The following TGFA variants were observed in gnomAD, a reference collection of about 807,000 sequenced individuals.
The protein encoded by TGFA is protransforming growth factor alpha.
A neutral mutation model predicts 21.7 loss-of-function variants in TGFA; 12 were observed. That is an observed-to-expected ratio of 0.55 (90% CI 0.35 to 0.90). The LOEUF (loss-of-function observed/expected upper bound fraction) is 0.90. Among genes scored for constraint, TGFA ranks in the 40% least tolerant of loss-of-function variants. The pLI is 0.01. For missense variants in TGFA, 178 were observed against 210.8 expected (o/e 0.84, Z 0.96); for synonymous variants, 79 against 88.1 (o/e 0.90, Z 0.58).
intron 1 of TGFA, among the ~76,000 whole-genome samples, chr2:70,543,060 G>A (rs922165607): frequency 9.2e-5 from 14 of 151,860 alleles, no homozygotes; most frequent in East Asian, 1.9e-4. Context: ...CCAAGATTGC[G>A]CCATTGCACT....
At chr2:70,549,166 G>T (rs1185832823) in intron 1 of TGFA, among the ~76,000 whole-genome samples, 1 of 152,172 alleles carries the variant, frequency 6.6e-6, no homozygotes, top group African/African-American at 2.4e-5. Context: ...AATAACATGG[G>T]ATCGTTACAT....
In TGFA at chr2:70,470,890, A is replaced by G. The variant is rs893232707; in HGVS notation, c.95-5154T>C. 6.6e-5 allele frequency among the ~76,000 whole-genome samples: 10 copies of G among 152,064 alleles called. No homozygotes were observed. In the East Asian group the frequency reaches 1.9e-3, roughly 29 times the overall value. On this transcript the variant is annotated intron_variant, in intron 2 of 5. Transcript: ENST00000295400. Reference sequence around the variant, plus strand: ...TCCTGACTACAACCATGATACATTCACTCTTGAAACTTTTTCAAAAGTTTC... The same window carrying G: ...TCCTGACTACAACCATGATACATTCGCTCTTGAAACTTTTTCAAAAGTTTC...
chr2:70,539,647 G>A (rs1368834516), intron 1 of TGFA, among the ~76,000 whole-genome samples: 2 of 152,064 alleles, frequency 1.3e-5, no homozygotes, highest in Non-Finnish European at 2.9e-5. Flanking sequence ...TAGAGTTGGG[G>A]TTTCAACATG....
At chr2:70,511,985 G>A (rs1672116696) in intron 2 of TGFA, among the ~76,000 whole-genome samples, 1 of 151,744 alleles carries the variant, frequency 6.6e-6, no homozygotes, top group African/African-American at 2.4e-5. Context: ...CCCAGTTTGA[G>A]CTGCGCCCAC....
chr2:70,481,162 A>C (rs1178269592), intron 2 of TGFA, among the ~76,000 whole-genome samples: 1 of 152,198 alleles, frequency 6.6e-6, no homozygotes, highest in African/African-American at 2.4e-5. Context: ...CCTAGTCCAG[A>C]AGTGAAATAT....
At chr2:70,525,949 C>T (rs1176524595) in intron 1 of TGFA, among the ~76,000 whole-genome samples, 1 of 152,192 alleles carries the variant, frequency 6.6e-6, no homozygotes, top group Admixed American at 6.5e-5. Context: ...TGACAGTGCA[C>T]TCTGTTGAGA....
At chr2:70,461,645 A>C (rs904997649) in intron 3 of TGFA, 3 of 152,202 alleles carry the variant, frequency 2.0e-5, no homozygotes, top group Non-Finnish European at 4.4e-5. Flanking sequence ...GTCTTCCTTC[A>C]ACGGTTTTCC....
intron 1 of TGFA, among the ~76,000 whole-genome samples, chr2:70,552,698 G>T (rs1673549243): frequency 6.6e-6 from 1 of 152,220 alleles, no homozygotes; most frequent in Non-Finnish European, 1.5e-5. Flanking sequence ...GCTGGGTGAG[G>T]CTGCGGCTCT....
chr2:70,504,451 TATATATATATATACACAC>T (rs1359645539), intron 2 of TGFA, among the ~76,000 whole-genome samples: 4 of 71,322 alleles, frequency 5.6e-5, no homozygotes, highest in African/African-American at 4.0e-4. Context: ...TATATATATA[TATATATATATATACACAC>T]ATACATACAT....
chr2:70,472,737 C>T (rs1670795566), intron 2 of TGFA, among the ~76,000 whole-genome samples: 1 of 152,228 alleles, frequency 6.6e-6, no homozygotes, highest in Admixed American at 6.5e-5. Context: ...TCAGCGGGAG[C>T]CGGCTGAGCC....
intron 2 of TGFA, among the ~76,000 whole-genome samples, chr2:70,479,050 A>G (rs1553494964): frequency 2.6e-5 from 4 of 152,104 alleles, no homozygotes; most frequent in Non-Finnish European, 5.9e-5. Flanking sequence ...TCATTATTTT[A>G]TATATAAAAC....
intron 5 of TGFA, among the ~76,000 whole-genome samples, chr2:70,451,162 C>T (rs1214036203): frequency 6.6e-6 from 1 of 152,178 alleles, no homozygotes; most frequent in Non-Finnish European, 1.5e-5. Context: ...GTGAGGGTCT[C>T]ATTTTAATCT....
chr2:70,459,492 G>T (rs997557644), intron 3 of TGFA, among the ~76,000 whole-genome samples: 1 of 152,154 alleles, frequency 6.6e-6, no homozygotes, highest in Non-Finnish European at 1.5e-5. Context: ...AAGATACCCT[G>T]GGCTAGTGAT....
chr2:70,538,522 T>C (rs782809434), intron 1 of TGFA, among the ~76,000 whole-genome samples: 10 of 152,166 alleles, frequency 6.6e-5, no homozygotes, highest in Non-Finnish European at 1.0e-4. Flanking sequence ...TTGGAAGAAG[T>C]TGATTCCAAC....
intron 2 of TGFA, among the ~76,000 whole-genome samples, chr2:70,504,442 A>ATATG: frequency 1.3e-5 from 1 of 75,730 alleles, no homozygotes; most frequent in East Asian, 4.3e-4. Flanking sequence ...AAATATATAT[A>ATATG]TATATATATA....
intron 2 of TGFA, among the ~76,000 whole-genome samples, chr2:70,471,096 T>G: frequency 6.8e-6 from 1 of 147,858 alleles, no homozygotes. Flanking sequence ...GTTACGTGCA[T>G]TCTCCTCCCC....
chr2:70,497,270 G>A (rs1016767803), intron 2 of TGFA, among the ~76,000 whole-genome samples: 3 of 152,210 alleles, frequency 2.0e-5, no homozygotes, highest in Admixed American at 1.3e-4. Context: ...GTATGTTCTT[G>A]TAGCTGTTGA....
chr2:70,517,406 G>A (rs1672317847), intron 1 of TGFA, among the ~76,000 whole-genome samples: 1 of 152,172 alleles, frequency 6.6e-6, no homozygotes, highest in African/African-American at 2.4e-5. Context: ...GAGGACCCTG[G>A]AGCAGGAGGA....
At chr2:70,528,466 G>T (rs782454697) in intron 1 of TGFA, among the ~76,000 whole-genome samples, 6 of 142,642 alleles carry the variant, frequency 4.2e-5, no homozygotes, top group Non-Finnish European at 9.1e-5. Context: ...GTGGAAAGAG[G>T]CATGGAAAAG....
Sources: allele counts gnomAD v4.1 joint callset (sites outside exome capture counted in the v4.1 genomes callset), GRCh38; gene constraint gnomAD v4.1.1; transcripts MANE v1.5; gene names NCBI Gene and HGNC (gene_info 2026-07-23, HGNC 2026-07-21).